The following PLEKHA3 variants were observed in gnomAD, a reference collection of about 807,000 sequenced individuals.
PLEKHA3 encodes pleckstrin homology domain-containing family A member 3.
Under a neutral mutation model 39.2 loss-of-function variants are expected in PLEKHA3, and 19 were observed. That is an observed-to-expected ratio of 0.48 (90% CI 0.34 to 0.71). PLEKHA3 has a LOEUF of 0.71. PLEKHA3 is among the 30% of genes least tolerant of loss of function. The pLI is 0.01. For missense variants in PLEKHA3, 253 were observed against 359.5 expected (o/e 0.70, Z 2.40); for synonymous variants, 97 against 118.6 (o/e 0.82, Z 1.18).
At chr2:178,487,995 C>A (rs543117052) in intron 2 of PLEKHA3, among the ~76,000 whole-genome samples, 2 of 151,892 alleles carry the variant, frequency 1.3e-5, no homozygotes, top group Admixed American at 6.6e-5. Context: ...GTCCTCTTGT[C>A]GGGAGTGTTA....
intron 6 of PLEKHA3, 147 bp downstream of exon 6, chr2:178,499,401 C>A: frequency 2.9e-6 from 2 of 680,984 alleles, no homozygotes; most frequent in Non-Finnish European, 4.7e-6. Context: ...CAGTATTTAT[C>A]TCCTAGTATT....
intron 5 of PLEKHA3, among the ~76,000 whole-genome samples, chr2:178,498,216 G>C (rs1685476541): frequency 1.3e-5 from 2 of 152,102 alleles, no homozygotes; most frequent in Admixed American, 6.5e-5. Context: ...GATGTCCTTG[G>C]GTTAGTAAGC....
intron 1 of PLEKHA3, among the ~76,000 whole-genome samples, chr2:178,485,236 C>T (rs142035226): frequency 6.6e-6 from 1 of 152,180 alleles, no homozygotes; most frequent in Non-Finnish European, 1.5e-5. Context: ...AAGAATGATA[C>T]TATAGGTAAG....
intron 2 of PLEKHA3, 132 bp from the exon 3 acceptor site, chr2:178,490,527 G>A (rs1685327028): frequency 1.1e-6 from 1 of 938,196 alleles, no homozygotes; most frequent in Admixed American, 2.8e-5. Flanking sequence ...GAGCAGCACT[G>A]CCTGCATCAT....
At chr2:178,500,595 T>C (rs1558930441) in intron 6 of PLEKHA3, among the ~76,000 whole-genome samples, 1 of 151,716 alleles carries the variant, frequency 6.6e-6, no homozygotes, top group South Asian at 2.1e-4. Flanking sequence ...TTTAAAAGAG[T>C]TTTTCTAGGC....
At chr2:178,493,414 A>T (rs1477975036) in intron 3 of PLEKHA3, among the ~76,000 whole-genome samples, 1 of 152,250 alleles carries the variant, frequency 6.6e-6, no homozygotes, top group Non-Finnish European at 1.5e-5. Context: ...GCAGTATATA[A>T]GATAGAGGAA....
Position 178,485,653 on chromosome 2 carries a change from G to A in PLEKHA3, c.53G>A (p.Arg18His), listed in dbSNP as rs773761283. The A allele has an allele frequency of 1.9e-6, 3 of 1,611,542 alleles. No homozygotes were observed. Among genetic ancestry groups the A allele is most frequent in the Non-Finnish European group, 1.7e-6 (2 of 1,178,412 alleles). ...WTNYLTGWQP[R>H]WFVLDNGILS... ...ATGGTCTTTTTAGGCTGGCAGCCTC[G>A]TTGGTTTGTTTTAGATAATGGAATC... Residue 18 changes from arginine to histidine, a missense_variant, in exon 2 of 8, where the codon CGT becomes CAT. Arg to His is a conservative substitution (Grantham distance 29). Coordinates refer to ENST00000234453, the MANE Select transcript of PLEKHA3 (RefSeq NM_019091.4).
intron 7 of PLEKHA3, among the ~76,000 whole-genome samples, chr2:178,501,919 G>T (rs906064964): frequency 1.3e-5 from 2 of 151,962 alleles, no homozygotes; most frequent in Admixed American, 1.3e-4. Flanking sequence ...AACAGGTCGT[G>T]TTCCAATAGT....
At chr2:178,481,101 G>A (rs1255543091) in intron 1 of PLEKHA3, among the ~76,000 whole-genome samples, 192 bp downstream of exon 1, 3 of 152,094 alleles carry the variant, frequency 2.0e-5, no homozygotes, top group Admixed American at 6.5e-5. Flanking sequence ...TCTAGAGGGT[G>A]GGAAGTGCAC....
At chr2:178,483,249 A>G (rs1017296479) in intron 1 of PLEKHA3, among the ~76,000 whole-genome samples, 4 of 151,346 alleles carry the variant, frequency 2.6e-5, no homozygotes, top group Non-Finnish European at 4.4e-5. Flanking sequence ...ACAGAGCGAG[A>G]CTCTATCTCA....
chr2:178,481,035 C>T (rs1271898520), intron 1 of PLEKHA3, 126 bp downstream of exon 1: 2 of 894,714 alleles, frequency 2.2e-6, no homozygotes, highest in Admixed American at 7.4e-5. Context: ...TACTCGATTC[C>T]AGGGCTTGTT....
At chr2:178,499,084 T>TC (rs907672345) in intron 5 of PLEKHA3, 127 bp from the exon 6 acceptor site, 9 of 832,712 alleles carry the variant, frequency 1.1e-5, no homozygotes, top group African/African-American at 5.3e-5. Context: ...GATTAAATTT[T>TC]TTTTTGCCAG....
At position 178,507,755 on chromosome 2, in the gene PLEKHA3, G is replaced by A. The variant is rs1308436344; in HGVS notation, c.*3868G>A. 7.6e-6 allele frequency: 1 copy of A among 131,832 alleles called. No individual in the cohort carries two copies. Among genetic ancestry groups the A allele is most frequent in the Non-Finnish European group, 1.6e-5 (1 of 64,196 alleles). The allele number at this position is 131,832 out of a possible 1,614,324, so 8.2% of individuals were successfully genotyped here. ...GGTGCATAGAAAGTAAAGATTTTAA[G>A]GCTTTACAGGTCTGAAAATGTCTCT... is the stretch of plus-strand genomic sequence containing the variant. On this transcript the variant is annotated 3_prime_UTR_variant, in exon 8 of 8. Transcript: ENST00000234453.
chr2:178,491,262 C>T (rs1207664886), intron 3 of PLEKHA3, among the ~76,000 whole-genome samples: 7 of 152,276 alleles, frequency 4.6e-5, no homozygotes, highest in South Asian at 2.1e-4. Flanking sequence ...CCGCTCGCCT[C>T]GGCCTCCCAA....
At chr2:178,498,131 A>AACTTT (rs1203512400) in intron 5 of PLEKHA3, among the ~76,000 whole-genome samples, 16 of 152,336 alleles carry the variant, frequency 1.1e-4, no homozygotes, top group African/African-American at 3.6e-4. Context: ...ACTTGCATTT[A>AACTTT]ACTTTATTTC....
In PLEKHA3 at chr2:178,501,074, A is replaced by C; in HGVS notation, c.673A>C (p.Ile225Leu). Residue 225 changes from isoleucine (I) to leucine (L), a missense_variant, in exon 7 of 8, where the codon ATA becomes CTA. Coordinates refer to ENST00000234453, the MANE Select transcript of PLEKHA3 (RefSeq NM_019091.4). ...CTTAATTTGCAGGAGTAGCCACTCT[A>C]TAAAAGAACCAGTATCTACACTTCA... ...SCSSERSSHS[I>L]KEPVSTLHRL... is the part of the protein sequence containing the mutation. 1 of 1,612,256 alleles carries C rather than the reference A, an allele frequency of 6.2e-7. No individual in the cohort carries two copies. The highest frequency in any genetic ancestry group is 1.7e-5 in the Admixed American group (1 of 59,814).
intron 6 of PLEKHA3, among the ~76,000 whole-genome samples, chr2:178,500,052 G>A (rs1004224110): frequency 1.3e-5 from 2 of 152,026 alleles, no homozygotes; most frequent in Non-Finnish European, 1.5e-5. Context: ...ATATCAATAC[G>A]TTTAAAAATT....
chr2:178,515,346 A>G lies in PLEKHA3; in HGVS notation c.*11459A>G, dbSNP rs1685746590. 1 of 152,152 alleles carries G rather than the reference A, an allele frequency of 6.6e-6. No homozygotes were observed. The highest frequency in any genetic ancestry group is 2.1e-4 in the South Asian group (1 of 4,828). The allele number at this position is 152,152 out of a possible 1,614,324, so 9.4% of individuals were successfully genotyped here. ...CTTATGGAAATCATGGTTGAATGTT[A>G]GTAAATTTCTAAGAGCTTTCCAATG... On this transcript the variant is annotated 3_prime_UTR_variant, in exon 8 of 8. Coordinates refer to ENST00000234453, the MANE Select transcript of PLEKHA3 (RefSeq NM_019091.4).
rs1296762360 is a variant in PLEKHA3 at position 178,508,044 on chromosome 2, G to A, written c.*4157G>A. On this transcript the variant is annotated 3_prime_UTR_variant, in exon 8 of 8. Coordinates refer to ENST00000234453, the MANE Select transcript of PLEKHA3 (RefSeq NM_019091.4). Reference sequence around the variant, plus strand: ...TCAATTTAGAGATTTGTCTGCTTCAGTTCTGGGTGTGTGTGTGTGTGTGTG... The same window carrying A: ...TCAATTTAGAGATTTGTCTGCTTCAATTCTGGGTGTGTGTGTGTGTGTGTG... 1 of 123,742 alleles carries A rather than the reference G, an allele frequency of 8.1e-6. No individual in the cohort carries two copies. The highest frequency in any genetic ancestry group is 3.2e-5 in the African/African-American group (1 of 31,496). The allele number at this position is 123,742 out of a possible 1,614,324, so 7.7% of individuals were successfully genotyped here.
Sources: allele counts gnomAD v4.1 joint callset (sites outside exome capture counted in the v4.1 genomes callset), GRCh38; gene constraint gnomAD v4.1.1; transcripts MANE v1.5; gene names NCBI Gene and HGNC (gene_info 2026-07-23, HGNC 2026-07-21).